HECW2: variants seen among roughly 807,000 people sequenced by gnomAD.
HECW2 encodes the protein HECT, C2 and WW domain containing E3 ubiquitin protein ligase 2, also known as E3 ubiquitin-protein ligase HECW2.
A neutral mutation model predicts 175.2 loss-of-function variants in HECW2; 61 were observed. The observed-to-expected ratio is 0.35, with a 90% CI of 0.28 to 0.43. HECW2 has a LOEUF of 0.43. Among genes scored for constraint, HECW2 ranks in the 20% least tolerant of loss-of-function variants. The pLI, the probability that HECW2 is intolerant of heterozygous loss-of-function variation, is 1.00. For synonymous variants in HECW2, 671 were observed against 731.0 expected, an observed-to-expected ratio of 0.92 and a Z score of 1.32; for missense variants, 1,524 against 2,000.5, an observed-to-expected ratio of 0.76 and a Z score of 4.54.
chr2:196,272,924 C>G (rs1012041343), intron 16 of HECW2, among the ~76,000 whole-genome samples: 1 of 151,918 alleles, frequency 6.6e-6, no homozygotes, highest in Non-Finnish European at 1.5e-5. Flanking sequence ...AGACTTCAAC[C>G]CTACATTTCT....
At chr2:196,211,511 A>G (rs956852387) in intron 28 of HECW2, among the ~76,000 whole-genome samples, 11 of 152,156 alleles carry the variant, frequency 7.2e-5, no homozygotes, top group African/African-American at 2.4e-4. Context: ...TAGTCACTTC[A>G]TAACCACAAG....
intron 1 of HECW2, among the ~76,000 whole-genome samples, chr2:196,453,011 TA>T (rs1254030477): frequency 6.6e-6 from 1 of 152,192 alleles, no homozygotes; most frequent in Non-Finnish European, 1.5e-5. Context: ...TTTTAAAGCT[TA>T]TTTTCTGTAA....
At chr2:196,463,406 A>C (rs1696824275) in intron 1 of HECW2, among the ~76,000 whole-genome samples, 2 of 131,102 alleles carry the variant, frequency 1.5e-5, no homozygotes, top group South Asian at 2.4e-4. Flanking sequence ...TCTACCCTGC[A>C]AAAAAAAAAA....
intron 1 of HECW2, among the ~76,000 whole-genome samples, chr2:196,479,344 T>A (rs1372922129): frequency 6.6e-6 from 1 of 152,248 alleles, no homozygotes; most frequent in East Asian, 1.9e-4. Flanking sequence ...GATTGCATGC[T>A]CTTTCACTGC....
At chr2:196,559,845 T>C (rs528774598) in intron 1 of HECW2, among the ~76,000 whole-genome samples, 3 of 152,300 alleles carry the variant, frequency 2.0e-5, no homozygotes, top group African/African-American at 7.2e-5. Context: ...AGGTCAATAT[T>C]AAACAATTGT....
At chr2:196,436,269 C>T (rs1258432447) in intron 1 of HECW2, among the ~76,000 whole-genome samples, 1 of 151,910 alleles carries the variant, frequency 6.6e-6, no homozygotes, top group Non-Finnish European at 1.5e-5. Flanking sequence ...GGCGTGGTGG[C>T]GGGTGCCTGT....
At chr2:196,295,927 T>C (rs528983695) in intron 13 of HECW2, among the ~76,000 whole-genome samples, 1 of 152,334 alleles carries the variant, frequency 6.6e-6, no homozygotes, top group Non-Finnish European at 1.5e-5. Flanking sequence ...ACCAAAGTAA[T>C]TCAATGCAGG....
chr2:196,524,751 G>T lies in HECW2; in HGVS notation c.-36+68757C>A, dbSNP rs1475332959. On this transcript the variant is annotated intron_variant, in intron 1 of 28. Transcript: ENST00000644978. ...TGTTATGTACCCCGTAGTCATTCAG[G>T]AGCAGGTTGTTCAGTTTCCATGCAG... Among the ~76,000 whole-genome samples the T allele has an allele frequency of 2.5e-4, 30 of 121,816 alleles. 10 individuals are homozygous for T. The highest frequency in any genetic ancestry group is 1.3e-3 in the African/African-American group (26 of 20,142). 79.9% of individuals were successfully genotyped at this position (121,816 alleles called of 152,430 possible).
At position 196,215,930 on chromosome 2, in the gene HECW2, G is replaced by C. The variant is rs767670181; in HGVS notation, c.4542C>G (p.Leu1514=). 5 of 1,614,030 alleles carry C rather than the reference G, an allele frequency of 3.1e-6. No homozygotes were observed. The South Asian group carries it at 5.5e-5, about 18-fold the overall frequency. The part of the protein sequence containing the change: ...SSIPYEGFAS[L]RGSNGPRRFC... ...ATCTTCTTGGGCCGTTACTCCCTCG[G>C]AGTGAAGCAAATCCTTCATAGGGAA... The change falls in exon 28 of 29, where the codon CTC becomes CTG. Residue 1514 remains leucine, a synonymous_variant. Transcript: ENST00000644978.
intron 2 of HECW2, among the ~76,000 whole-genome samples, chr2:196,428,298 A>G (rs1343998821): frequency 2.0e-5 from 3 of 152,218 alleles, no homozygotes; most frequent in Non-Finnish European, 4.4e-5. Flanking sequence ...ACCAAAAGGT[A>G]TAGAAATCTG....
At position 196,199,259 on chromosome 2, in the gene HECW2, TTAAA is replaced by T. The variant is rs1463895770; in HGVS notation, c.*2014_*2017del. On this transcript the variant is annotated 3_prime_UTR_variant, in exon 29 of 29. Transcript: ENST00000644978. ...ACAAACAAGTGAAAAGTTTGCAAAA[TTAAA>T]TATATACTTGTATTCATGATCAATA... 4.6e-5 allele frequency: 7 copies of T among 152,596 alleles called. No homozygotes were observed. The highest frequency in any genetic ancestry group is 1.7e-4 in the African/African-American group (7 of 41,448). 9.5% of individuals were successfully genotyped at this position (152,596 alleles called of 1,614,324 possible).
intron 2 of HECW2, among the ~76,000 whole-genome samples, chr2:196,379,898 CAAAA>C (rs5837506): frequency 1.3e-4 from 17 of 127,634 alleles, no homozygotes; most frequent in Admixed American, 1.6e-4. Flanking sequence ...TATTCTCCAG[CAAAA>C]AAAAAAAAAA....
intron 1 of HECW2, among the ~76,000 whole-genome samples, chr2:196,449,340 CT>C (rs1461562700): frequency 6.6e-6 from 1 of 152,208 alleles, no homozygotes; most frequent in African/African-American, 2.4e-5. Flanking sequence ...GGCAGAAACA[CT>C]GTGGTAACTA....
intron 1 of HECW2, among the ~76,000 whole-genome samples, chr2:196,532,503 A>G (rs1427326620): frequency 6.6e-6 from 1 of 152,196 alleles, no homozygotes; most frequent in Non-Finnish European, 1.5e-5. Context: ...GGGGAGGGAC[A>G]GCATTAGGAG....
rs113599579 is a variant in HECW2 at position 196,549,418 on chromosome 2, C to G, written c.-36+44090G>C. Among the ~76,000 whole-genome samples the G allele has an allele frequency of 2.9e-3, 443 of 152,246 alleles. 1 individual carries two copies. The highest frequency in any genetic ancestry group is 0.01 in the African/African-American group (419 of 41,534). On this transcript the variant is annotated intron_variant, in intron 1 of 28. Transcript: ENST00000644978. ...AACATAATACAGTTTGGTTTTTGAA[C>G]TGCATGTGAGTGAAACGATATTGTA...
rs73988182 is a variant in HECW2, at chr2:196,349,554, C to G, written c.293-5790G>C. On this transcript the variant is annotated intron_variant, in intron 2 of 28. Coordinates refer to ENST00000644978, the MANE Select transcript of HECW2 (RefSeq NM_001348768.2). ...GTGTGTGTGTGCGCGCGCACACATG[C>G]GTACCTTGGCCTCCCAAAGTACTGG... Among the ~76,000 whole-genome samples, 1,331 of 151,988 alleles carry G rather than the reference C, an allele frequency of 8.8e-3. 32 individuals are homozygous for G. Among genetic ancestry groups the G allele is most frequent in the African/African-American group, 0.031 (1,264 of 41,408 alleles).
At chr2:196,485,220 G>A (rs2125377924) in intron 1 of HECW2, among the ~76,000 whole-genome samples, 1 of 152,282 alleles carries the variant, frequency 6.6e-6, no homozygotes, top group East Asian at 1.9e-4. Flanking sequence ...GTGAAATACT[G>A]AAGTGGGGGT....
intron 2 of HECW2, among the ~76,000 whole-genome samples, chr2:196,354,564 T>G (rs116142221): frequency 0.027 from 4,175 of 152,360 alleles, 176 homozygotes; most frequent in African/African-American, 0.094. Context: ...TTTGATTATA[T>G]GATATTAATT....
chr2:196,418,668 T>C (rs1247088524), intron 2 of HECW2, among the ~76,000 whole-genome samples: 2 of 152,146 alleles, frequency 1.3e-5, no homozygotes, highest in African/African-American at 4.8e-5. Flanking sequence ...TATAAAGCAG[T>C]AGACATACTG....
Sources: allele counts gnomAD v4.1 joint callset (sites outside exome capture counted in the v4.1 genomes callset), GRCh38; gene constraint gnomAD v4.1.1; transcripts MANE v1.5; gene names NCBI Gene and HGNC (gene_info 2026-07-23, HGNC 2026-07-21).